The following GSE1 variants were observed in gnomAD, a reference collection of about 807,000 sequenced individuals.
GSE1 encodes the protein genetic suppressor element 1.
A neutral mutation model predicts 112.6 loss-of-function variants in GSE1; 32 were observed. The ratio of observed to expected loss-of-function variants is 0.28; its 90% CI spans 0.21 to 0.38. The LOEUF (loss-of-function observed/expected upper bound fraction) is 0.38, where lower values mean the gene tolerates loss of function less well. Among genes scored for constraint, GSE1 ranks in the 10% least tolerant of loss-of-function variants. GSE1 has a pLI of 1.00. For synonymous variants in GSE1, 1,115 were observed against 735.6 expected, an observed-to-expected ratio of 1.52 and a Z score of -8.35; for missense variants, 2,348 against 1,699.2, an observed-to-expected ratio of 1.38 and a Z score of -6.71.
intron 1 of GSE1, among the ~76,000 whole-genome samples, chr16:85,262,481 G>A (rs561140336): frequency 4.3e-4 from 65 of 152,316 alleles, no homozygotes; most frequent in African/African-American, 1.5e-3. Flanking sequence ...GCCGCATGCC[G>A]GGACTTCAGA....
At position 85,648,642 on chromosome 16, in the gene GSE1, G is replaced by T; in HGVS notation, c.317G>T (p.Gly106Val). The T allele has an allele frequency of 1.2e-6, 2 of 1,604,630 alleles. No homozygotes were observed. The highest frequency in any genetic ancestry group is 1.7e-6 in the Non-Finnish European group (2 of 1,173,810). Residue 106 changes from glycine (G) to valine (V), a missense_variant, in exon 3 of 16, where the codon GGC (glycine) becomes GTC (valine). Physicochemically the swap from Gly to Val is moderately radical, Grantham distance 109. Coordinates refer to ENST00000253458, the MANE Select transcript of GSE1 (RefSeq NM_014615.5). The part of the protein sequence containing the change: ...PASTPKRVPM[G>V]PIIVPPGGHS... ...AGCACACCCAAGCGCGTGCCCATGGGCCCTATCATCGTCCCCCCTGGGGGC... is the reference window on the plus strand; with the variant it reads ...AGCACACCCAAGCGCGTGCCCATGGTCCCTATCATCGTCCCCCCTGGGGGC...
chr16:85,469,382 G>A (rs1342541607), intron 2 of GSE1, among the ~76,000 whole-genome samples: 1 of 152,188 alleles, frequency 6.6e-6, no homozygotes, highest in Non-Finnish European at 1.5e-5. Context: ...GTGGCCACAA[G>A]CCAGGATGCG....
At chr16:85,608,550 T>C (rs1344840775), upstream of GSE1, among the ~76,000 whole-genome samples, 1 of 152,142 alleles carries the variant, frequency 6.6e-6, no homozygotes, top group Non-Finnish European at 1.5e-5. Context: ...GGTGTATCTT[T>C]CTTAATAATC....
At chr16:85,660,273 C>G (rs2052323044) in intron 8 of GSE1, among the ~76,000 whole-genome samples, 1 of 152,206 alleles carries the variant, frequency 6.6e-6, no homozygotes, top group Non-Finnish European at 1.5e-5. Flanking sequence ...CTGAGAGGGT[C>G]TCTGCCTTCC....
chr16:85,616,422 C>T (rs932822521), intron 1 of GSE1, among the ~76,000 whole-genome samples: 4 of 152,192 alleles, frequency 2.6e-5, no homozygotes, highest in African/African-American at 9.6e-5. Flanking sequence ...TTTTTCCTGG[C>T]CCCATTTGAA....
intron 1 of GSE1, among the ~76,000 whole-genome samples, chr16:85,627,168 C>T (rs986692046): frequency 4.2e-4 from 40 of 95,318 alleles, no homozygotes; most frequent in African/African-American, 1.5e-3. Flanking sequence ...TTACGGGGGG[C>T]GGGGGGTGGG....
chr16:85,565,105 A>G (rs992988245), intron 1 of GSE1, among the ~76,000 whole-genome samples: 19 of 152,120 alleles, frequency 1.2e-4, no homozygotes, highest in African/African-American at 4.6e-4. Flanking sequence ...AAAAGCGACC[A>G]ACTTGGCCGG....
chr16:85,507,378 C>T (rs978756564), intron 2 of GSE1, among the ~76,000 whole-genome samples: 4 of 152,172 alleles, frequency 2.6e-5, no homozygotes, highest in African/African-American at 9.7e-5. Context: ...CCTCTGGCCT[C>T]ACCCAGGCTC....
chr16:85,362,227 G>A (rs1297436494), intron 2 of GSE1, among the ~76,000 whole-genome samples: 3 of 152,236 alleles, frequency 2.0e-5, no homozygotes, highest in Non-Finnish European at 2.9e-5. Context: ...CTCGTGGGGC[G>A]GGTGAGCAGT....
At chr16:85,492,696 A>G (rs1428291561) in intron 2 of GSE1, among the ~76,000 whole-genome samples, 1 of 152,150 alleles carries the variant, frequency 6.6e-6, no homozygotes, top group Non-Finnish European at 1.5e-5. Flanking sequence ...CACACTGCCT[A>G]CCAGAGATGA....
chr16:85,656,439 G>GCGCGAA lies in GSE1; in HGVS notation c.1092_1097dup (p.Arg365_Glu366dup), dbSNP rs2051953606. ...ACCGCGAGCGGGAGAAGGAACGTGA[G>GCGCGAA]CGCGAACGCGAGAAGGAGCGCGAGC... is the stretch of plus-strand genomic sequence containing the variant. On this transcript the variant is annotated inframe_insertion, in exon 7 of 16. Coordinates refer to ENST00000253458, the MANE Select transcript of GSE1 (RefSeq NM_014615.5). The GCGCGAA allele has an allele frequency of 2.6e-6, 4 of 1,563,732 alleles. No homozygotes were observed. The highest frequency in any genetic ancestry group is 3.5e-6 in the Non-Finnish European group (4 of 1,150,740).
At chr16:85,251,527 C>T (rs1427260186) in intron 1 of GSE1, among the ~76,000 whole-genome samples, 1 of 152,208 alleles carries the variant, frequency 6.6e-6, no homozygotes. Flanking sequence ...GGCTCGAACC[C>T]TGCTCCGCCT....
intron 1 of GSE1, among the ~76,000 whole-genome samples, chr16:85,625,303 C>A (rs1029315906): frequency 6.6e-6 from 1 of 152,244 alleles, no homozygotes; most frequent in African/African-American, 2.4e-5. Flanking sequence ...ACTTCCCGTC[C>A]CTCGCCTCCA....
chr16:85,387,688 C>G (rs993749967), intron 2 of GSE1, among the ~76,000 whole-genome samples: 1 of 152,202 alleles, frequency 6.6e-6, no homozygotes, highest in Admixed American at 6.5e-5. Context: ...CATCTCTCTC[C>G]CTTGGTTAGA....
At chr16:85,498,473 A>G (rs1308647780) in intron 2 of GSE1, among the ~76,000 whole-genome samples, 1 of 152,192 alleles carries the variant, frequency 6.6e-6, no homozygotes, top group Non-Finnish European at 1.5e-5. Flanking sequence ...ATACATGCAT[A>G]GATGTGTACA....
intron 1 of GSE1, among the ~76,000 whole-genome samples, chr16:85,631,039 C>T (rs1325530428): frequency 6.6e-6 from 1 of 152,150 alleles, no homozygotes; most frequent in Non-Finnish European, 1.5e-5. Context: ...TTCCCCGGGG[C>T]CCTGCTCCTG....
At chr16:85,421,952 C>G (rs2048854621) in intron 2 of GSE1, among the ~76,000 whole-genome samples, 1 of 152,314 alleles carries the variant, frequency 6.6e-6, no homozygotes, top group East Asian at 1.9e-4. Context: ...CCGTTCAGCC[C>G]CACAGCACCC....
intron 2 of GSE1, among the ~76,000 whole-genome samples, chr16:85,639,431 G>T (rs2050261501): frequency 6.6e-6 from 1 of 152,226 alleles, no homozygotes; most frequent in Admixed American, 6.5e-5. Flanking sequence ...TGGGGGGATG[G>T]GTCCCAGCCC....
intron 7 of GSE1, 135 bp from the exon 8 acceptor site, chr16:85,657,142 T>G: frequency 3.4e-6 from 2 of 593,328 alleles, no homozygotes; most frequent in Non-Finnish European, 5.7e-6. Context: ...CCCTTCTGAA[T>G]ATCTTGGTTC....
Sources: allele counts gnomAD v4.1 joint callset (sites outside exome capture counted in the v4.1 genomes callset), GRCh38; gene constraint gnomAD v4.1.1; transcripts MANE v1.5; gene names NCBI Gene and HGNC (gene_info 2026-07-23, HGNC 2026-07-21).